PTPN12: variants seen among roughly 807,000 people sequenced by gnomAD.
PTPN12 encodes the protein protein tyrosine phosphatase non-receptor type 12.
In PTPN12, 29 loss-of-function variants were observed where a neutral mutation model predicts 97.6. That is an observed-to-expected ratio of 0.30 (90% CI 0.22 to 0.41). The LOEUF is 0.41. Among genes scored for constraint, PTPN12 ranks in the 10% least tolerant of loss-of-function variants. The pLI, the probability that PTPN12 is intolerant of heterozygous loss-of-function variation, is 1.00. For synonymous variants in PTPN12, 327 were observed against 300.4 expected (o/e 1.09, Z -0.91); for missense variants, 819 against 926.0 (o/e 0.88, Z 1.50).
rs973724323 is a variant in PTPN12 at position 77,638,566 on chromosome 7, A to G, written c.2174-58A>G. ...CCAACATTTAAAAAATTAAAGAGTT[A>G]TATATATATGATGCTACAAAGGATG... is the stretch of plus-strand genomic sequence containing the variant. On this transcript the variant is annotated intron_variant, in intron 16 of 17. Transcript: ENST00000248594. The G allele has an allele frequency of 3.4e-6, 5 of 1,471,894 alleles. No homozygotes were observed. The African/African-American group carries it at 7.3e-5, about 21-fold the overall frequency. The allele number at this position is 1,471,894 out of a possible 1,614,324, so 91.2% of individuals were successfully genotyped here.
At chr7:77,637,901 G>A (rs1349772195) in intron 16 of PTPN12, among the ~76,000 whole-genome samples, 2 of 142,784 alleles carry the variant, frequency 1.4e-5, no homozygotes, top group Non-Finnish European at 3.0e-5. Context: ...ATTTCAAGGT[G>A]CAAATAGTGC....
At chr7:77,625,518 T>A (rs979505419) in intron 12 of PTPN12, among the ~76,000 whole-genome samples, 849 of 81,986 alleles carry the variant, frequency 0.01, 39 homozygotes, top group Non-Finnish European at 0.018. Flanking sequence ...TCTCTCTCTC[T>A]CTCTCACTCT....
At chr7:77,570,488 TC>T (rs1433921079) in intron 1 of PTPN12, among the ~76,000 whole-genome samples, 2 of 152,206 alleles carry the variant, frequency 1.3e-5, no homozygotes, top group African/African-American at 4.8e-5. Context: ...GCAGAAATAT[TC>T]CAGCCCAAAG....
chr7:77,613,319 C>T (rs1381545324), intron 11 of PTPN12, among the ~76,000 whole-genome samples: 7 of 151,092 alleles, frequency 4.6e-5, no homozygotes, highest in Admixed American at 2.6e-4. Context: ...AGATTACAGG[C>T]GCCCACCACC....
chr7:77,592,417 T>C, intron 6 of PTPN12, 161 bp downstream of exon 6: 1 of 505,376 alleles, frequency 2.0e-6, no homozygotes, highest in Non-Finnish European at 3.4e-6. Flanking sequence ...TGCTTTTAAA[T>C]TTGGAAGCTT....
At chr7:77,575,811 T>C (rs956036623) in intron 2 of PTPN12, among the ~76,000 whole-genome samples, 4 of 152,194 alleles carry the variant, frequency 2.6e-5, no homozygotes, top group Non-Finnish European at 5.9e-5. Flanking sequence ...GAATTTAATA[T>C]AAATGTAATC....
intron 16 of PTPN12, among the ~76,000 whole-genome samples, chr7:77,637,384 C>T (rs1471669398): frequency 6.6e-6 from 1 of 152,104 alleles, no homozygotes; most frequent in Non-Finnish European, 1.5e-5. Flanking sequence ...GATGGAATTG[C>T]TTCTGTAGAA....
At chr7:77,622,676 C>T (rs1183012549) in intron 12 of PTPN12, among the ~76,000 whole-genome samples, 3 of 146,066 alleles carry the variant, frequency 2.1e-5, no homozygotes, top group African/African-American at 7.6e-5. Context: ...GAGGCTGAGG[C>T]AGGAGAATCG....
At chr7:77,621,884 T>A (rs768119072) in intron 12 of PTPN12, among the ~76,000 whole-genome samples, 1 of 152,218 alleles carries the variant, frequency 6.6e-6, no homozygotes. Flanking sequence ...CACCATGTTA[T>A]GTGTGGCCCA....
chr7:77,625,472 G>GCTCGCTCGCTCTCT, intron 12 of PTPN12, among the ~76,000 whole-genome samples: 1 of 33,522 alleles, frequency 3.0e-5, no homozygotes, highest in Non-Finnish European at 5.0e-5. Flanking sequence ...CAGGCTGCTC[G>GCTCGCTCGCTCTCT]CTCTCTCTCT....
At chr7:77,550,151 A>C (rs980720596) in intron 1 of PTPN12, among the ~76,000 whole-genome samples, 1 of 151,942 alleles carries the variant, frequency 6.6e-6, no homozygotes, top group South Asian at 2.1e-4. Context: ...CTATTTGCCT[A>C]CTCACCTTTC....
chr7:77,567,029 G>T (rs1369294847), intron 1 of PTPN12, among the ~76,000 whole-genome samples: 1 of 151,866 alleles, frequency 6.6e-6, no homozygotes, highest in South Asian at 2.1e-4. Flanking sequence ...CAATAATACA[G>T]AATTTTTTTG....
rs779658054 is a variant in PTPN12, at chr7:77,627,071, T to G, written c.1392T>G (p.Ile464Met). 2 of 1,614,022 alleles carry G rather than the reference T, an allele frequency of 1.2e-6. No individual in the cohort carries two copies. The highest frequency in any genetic ancestry group is 1.7e-6 in the Non-Finnish European group (2 of 1,179,954). Residue 464 changes from isoleucine (I) to methionine (M), a missense_variant, in exon 13 of 18, where the codon ATT becomes ATG. Ile to Met is a conservative substitution (Grantham distance 10). This residue lies in a region of PTPN12 where 607 missense variants were observed against 577.3 expected (regional missense o/e 1.05). Coordinates refer to ENST00000248594, the MANE Select transcript of PTPN12 (RefSeq NM_002835.4). ...TLLNRGHAIKIKSASPCIADK... is the reference protein window; with the variant it reads ...TLLNRGHAIKMKSASPCIADK... ...TGAATAGGGGACATGCAATTAAAAT[T>G]AAATCTGCTTCACCTTGTATAGCTG...
intron 5 of PTPN12, among the ~76,000 whole-genome samples, chr7:77,591,737 C>G (rs1787872933): frequency 6.6e-6 from 1 of 152,142 alleles, no homozygotes; most frequent in South Asian, 2.1e-4. Context: ...TCTTCTGATT[C>G]CAAGTAGAAT....
chr7:77,544,341 C>G (rs368278918), intron 1 of PTPN12, among the ~76,000 whole-genome samples: 1 of 152,164 alleles, frequency 6.6e-6, no homozygotes, highest in Non-Finnish European at 1.5e-5. Flanking sequence ...CCCAGTGCCA[C>G]TGGTTTAGTT....
rs1227063073 is a variant in PTPN12, at chr7:77,597,908, A to T, written c.552+7A>T. 1 of 1,612,352 alleles carries T rather than the reference A, an allele frequency of 6.2e-7. No individual in the cohort carries two copies. The highest frequency in any genetic ancestry group is 8.5e-7 in the Non-Finnish European group (1 of 1,179,394). ...CTTACTTGAATTTCAAAATGTAGGT[A>T]CTTACCATTTATAGACTATCTGTAA... On this transcript the variant is annotated splice_region_variant and intron_variant, in intron 7 of 17. Coordinates refer to ENST00000248594, the MANE Select transcript of PTPN12 (RefSeq NM_002835.4).
chr7:77,566,177 C>T (rs1808247294), intron 1 of PTPN12, among the ~76,000 whole-genome samples: 2 of 152,146 alleles, frequency 1.3e-5, no homozygotes, highest in African/African-American at 2.4e-5. Flanking sequence ...TACTGCTAGT[C>T]ATAGTGGTGG....
At chr7:77,552,454 A>T (rs1207435454) in intron 1 of PTPN12, among the ~76,000 whole-genome samples, 1 of 152,198 alleles carries the variant, frequency 6.6e-6, no homozygotes, top group Non-Finnish European at 1.5e-5. Context: ...AATATGTTCT[A>T]AAATGACCTC....
chr7:77,629,199 T>G (rs1167218091), intron 13 of PTPN12, among the ~76,000 whole-genome samples: 1 of 152,196 alleles, frequency 6.6e-6, no homozygotes, highest in Non-Finnish European at 1.5e-5. Flanking sequence ...TCCGCCCACC[T>G]CGGCCTCCCA....
Sources: gnomAD v4.1 joint callset for allele counts (sites outside exome capture counted in the v4.1 genomes callset) on GRCh38, gnomAD v4.1.1 for gene constraint, gnomAD v4.1.1 regional missense constraint, MANE v1.5 for transcripts, NCBI Gene and HGNC (gene_info 2026-07-23, HGNC 2026-07-21) for gene names.